The following ITGA9 variants were observed in gnomAD, a reference collection of about 807,000 sequenced individuals.
ITGA9 encodes the protein integrin subunit alpha 9.
ITGA9 carries 56 observed loss-of-function variants against 127.8 expected under a neutral mutation model. That is an observed-to-expected ratio of 0.44 (90% CI 0.35 to 0.55). The LOEUF (loss-of-function observed/expected upper bound fraction) is 0.55, where lower values mean the gene tolerates loss of function less well. Ranked by LOEUF, ITGA9 falls within the 20% of genes least tolerant of loss-of-function variation. The pLI is 0.00. For missense variants in ITGA9, 1,196 were observed against 1,347.1 expected (o/e 0.89, Z 1.76); for synonymous variants, 508 against 514.5 (o/e 0.99, Z 0.17).
chr3:37,636,702 TTGCCCA>T (rs1700282671), intron 16 of ITGA9, among the ~76,000 whole-genome samples: 1 of 152,238 alleles, frequency 6.6e-6, no homozygotes, highest in African/African-American at 2.4e-5. Context: ...CATGAAGTCC[TTGCCCA>T]TGCCTATGTC....
At chr3:37,728,822 A>T (rs1218188678) in intron 18 of ITGA9, among the ~76,000 whole-genome samples, 1 of 151,246 alleles carries the variant, frequency 6.6e-6, no homozygotes, top group East Asian at 1.9e-4. Flanking sequence ...CCCGAGATGG[A>T]CTCTCATGAA....
chr3:37,734,166 C>G (rs1194502402), intron 19 of ITGA9, among the ~76,000 whole-genome samples: 1 of 152,156 alleles, frequency 6.6e-6, no homozygotes, highest in Non-Finnish European at 1.5e-5. Context: ...TCCACATTCA[C>G]CCCAGGAGGA....
chr3:37,552,331 G>A (rs918443394), intron 15 of ITGA9, among the ~76,000 whole-genome samples: 6 of 151,784 alleles, frequency 4.0e-5, no homozygotes, highest in Admixed American at 1.3e-4. Flanking sequence ...GCCTCATTGC[G>A]TGGGATAAGG....
intron 15 of ITGA9, among the ~76,000 whole-genome samples, chr3:37,593,065 C>T (rs1323629621): frequency 6.6e-6 from 1 of 152,190 alleles, no homozygotes; most frequent in Admixed American, 6.5e-5. Context: ...TGTCTTTGCA[C>T]AGGCTGCCAT....
intron 1 of ITGA9, among the ~76,000 whole-genome samples, chr3:37,470,011 G>T (rs1698411077): frequency 6.6e-6 from 1 of 152,112 alleles, no homozygotes; most frequent in Non-Finnish European, 1.5e-5. Flanking sequence ...TGCCCAGACT[G>T]GTCTTGAACT....
intron 8 of ITGA9, among the ~76,000 whole-genome samples, chr3:37,510,417 G>C (rs1386771771): frequency 6.6e-6 from 1 of 152,126 alleles, no homozygotes; most frequent in Non-Finnish European, 1.5e-5. Flanking sequence ...TCTGTGCCCT[G>C]GGGAGGTCCG....
At chr3:37,640,078 T>C (rs1700317977) in intron 16 of ITGA9, among the ~76,000 whole-genome samples, 2 of 152,208 alleles carry the variant, frequency 1.3e-5, no homozygotes, top group Admixed American at 1.3e-4. Flanking sequence ...TCCAGGTCTT[T>C]CACTGCGGTA....
intron 14 of ITGA9, among the ~76,000 whole-genome samples, chr3:37,538,647 C>T (rs79368055): frequency 0.013 from 1,973 of 152,250 alleles, 41 homozygotes; most frequent in African/African-American, 0.044. Context: ...CGGCTGCTTC[C>T]CAGACATGTC....
rs1579064780 is a variant in ITGA9, at chr3:37,496,332, A to AT, written c.612+1765dup. On this transcript the variant is annotated intron_variant, in intron 5 of 27. Coordinates refer to ENST00000264741, the MANE Select transcript of ITGA9 (RefSeq NM_002207.3). ...TTTTTATGACAGTCGACAGAGTTCT[A>AT]TGCCCTGGGAATGGCACCGCCAATC... 3.3e-5 allele frequency among the ~76,000 whole-genome samples: 5 copies of AT among 152,294 alleles called. No individual in the cohort carries two copies. In the East Asian group the frequency reaches 9.6e-4, roughly 29 times the overall value.
At chr3:37,491,794 C>G (rs1232830503) in intron 4 of ITGA9, among the ~76,000 whole-genome samples, 3 of 152,182 alleles carry the variant, frequency 2.0e-5, no homozygotes, top group Non-Finnish European at 4.4e-5. Flanking sequence ...TATGTACATA[C>G]TCTTTGGGGA....
intron 17 of ITGA9, among the ~76,000 whole-genome samples, chr3:37,669,358 C>T (rs1436652838): frequency 1.3e-5 from 2 of 152,192 alleles, no homozygotes; most frequent in African/African-American, 4.8e-5. Flanking sequence ...GCACAGCTCC[C>T]CTTGGTGTCT....
chr3:37,730,658 G>A (rs1183520749), intron 18 of ITGA9, among the ~76,000 whole-genome samples: 1 of 152,164 alleles, frequency 6.6e-6, no homozygotes, highest in African/African-American at 2.4e-5. Flanking sequence ...CTGAAATGTG[G>A]TGTGTGATAC....
chr3:37,782,626 T>G (rs1243606194), intron 25 of ITGA9, among the ~76,000 whole-genome samples: 3 of 152,218 alleles, frequency 2.0e-5, no homozygotes, highest in African/African-American at 7.2e-5. Context: ...GAGCTTCAGT[T>G]GCCCTGAAGC....
intron 4 of ITGA9, among the ~76,000 whole-genome samples, chr3:37,490,110 C>G (rs1160552613): frequency 6.6e-6 from 1 of 151,954 alleles, no homozygotes; most frequent in Non-Finnish European, 1.5e-5. Context: ...ACAGGTGACT[C>G]AGGATGATTT....
rs554144167 is a variant in ITGA9, at chr3:37,507,865, T to C, written c.829-694T>C. ...TTACACTGGTTCTCATGAGACACTC[T>C]TCCCACGAGATGTAATCCAAAAAAA... On this transcript the variant is annotated intron_variant, in intron 7 of 27. Coordinates refer to ENST00000264741, the MANE Select transcript of ITGA9 (RefSeq NM_002207.3). 6.6e-5 allele frequency among the ~76,000 whole-genome samples: 10 copies of C among 152,302 alleles called. 1 individual carries two copies. In the South Asian group the frequency reaches 1.7e-3, roughly 25 times the overall value.
chr3:37,614,146 G>T (rs548288038), intron 15 of ITGA9, among the ~76,000 whole-genome samples: 1 of 151,910 alleles, frequency 6.6e-6, no homozygotes, highest in South Asian at 2.1e-4. Context: ...TTTGTATAAG[G>T]TGTAAGGAAG....
At chr3:37,698,018 A>C (rs1383716044) in intron 18 of ITGA9, among the ~76,000 whole-genome samples, 3 of 152,156 alleles carry the variant, frequency 2.0e-5, no homozygotes, top group Non-Finnish European at 2.9e-5. Context: ...CTTTTTAATG[A>C]TTGCCATTCT....
chr3:37,636,452 A>G (rs551348055), intron 16 of ITGA9, among the ~76,000 whole-genome samples: 1 of 152,314 alleles, frequency 6.6e-6, no homozygotes, highest in Non-Finnish European at 1.5e-5. Context: ...GTCTGTTCAT[A>G]TCCCTCACCC....
intron 16 of ITGA9, among the ~76,000 whole-genome samples, chr3:37,637,513 T>C (rs1312764197): frequency 1.3e-5 from 2 of 152,176 alleles, no homozygotes; most frequent in African/African-American, 4.8e-5. Context: ...AAGTTGCTTA[T>C]CAGCTTGAGG....
Sources: allele counts gnomAD v4.1 joint callset (sites outside exome capture counted in the v4.1 genomes callset), GRCh38; gene constraint gnomAD v4.1.1; transcripts MANE v1.5; gene names NCBI Gene and HGNC (gene_info 2026-07-23, HGNC 2026-07-21).